APP: variants seen among roughly 807,000 people sequenced by gnomAD.
APP encodes the protein amyloid-beta precursor protein.
Under a neutral mutation model 101.4 loss-of-function variants are expected in APP, and 31 were observed. The ratio of observed to expected loss-of-function variants is 0.31; its 90% CI spans 0.23 to 0.41. APP has a LOEUF of 0.41. APP is among the 10% of genes least tolerant of loss of function. The pLI, the probability that APP is intolerant of heterozygous loss-of-function variation, is 1.00. For missense variants in APP, 839 were observed against 1,003.7 expected, an observed-to-expected ratio of 0.84 and a Z score of 2.22; for synonymous variants, 366 against 364.4, an observed-to-expected ratio of 1.00 and a Z score of -0.05.
intron 15 of APP, among the ~76,000 whole-genome samples, chr21:25,903,290 A>AC (rs1418056480): frequency 3.3e-4 from 45 of 135,160 alleles, no homozygotes; most frequent in African/African-American, 1.3e-3. Context: ...AATTGCTTGA[A>AC]CCCCCGAGGC....
At position 26,154,595 on chromosome 21, in the gene APP, T is replaced by G. The variant is rs182306998; in HGVS notation, c.57+15969A>C. 2.0e-4 allele frequency among the ~76,000 whole-genome samples: 31 copies of G among 152,342 alleles called. 1 individual carries two copies. Among genetic ancestry groups the G allele is most frequent in the Admixed American group, 1.8e-3 (28 of 15,296 alleles). On this transcript the variant is annotated intron_variant, in intron 1 of 17. Coordinates refer to ENST00000346798, the MANE Select transcript of APP (RefSeq NM_000484.4). ...TTGTCTTAAAGCTCCTGGCTTAATATTTAACTGATAGCAACAACCTAACGT... is the reference window on the plus strand; with the variant it reads ...TTGTCTTAAAGCTCCTGGCTTAATAGTTAACTGATAGCAACAACCTAACGT...
At chr21:26,170,014 G>A (rs59559781) in intron 1 of APP, among the ~76,000 whole-genome samples, 1 of 152,162 alleles carries the variant, frequency 6.6e-6, no homozygotes, top group Non-Finnish European at 1.5e-5. Context: ...AGCAAGGAAG[G>A]GGGATGGGGG....
chr21:25,896,199 C>T (rs1430921656), intron 16 of APP, among the ~76,000 whole-genome samples: 3 of 151,994 alleles, frequency 2.0e-5, no homozygotes, highest in South Asian at 2.1e-4. Context: ...CCAATGAAAA[C>T]CATGCTTCAA....
chr21:26,151,843 T>C (rs970072537), intron 1 of APP, among the ~76,000 whole-genome samples: 2 of 152,190 alleles, frequency 1.3e-5, no homozygotes, highest in African/African-American at 4.8e-5. Context: ...TACCAGTCCA[T>C]GGCCCAGGGG....
At chr21:25,993,767 G>A (rs1423310183) in intron 8 of APP, among the ~76,000 whole-genome samples, 3 of 152,194 alleles carry the variant, frequency 2.0e-5, no homozygotes, top group Non-Finnish European at 4.4e-5. Flanking sequence ...ACCAGAATGT[G>A]ACCCCCTGGG....
intron 2 of APP, among the ~76,000 whole-genome samples, chr21:26,103,821 C>A (rs1188795577): frequency 6.6e-6 from 1 of 152,194 alleles, no homozygotes; most frequent in Non-Finnish European, 1.5e-5. Context: ...TGGATAAAAT[C>A]CACTGTAAGG....
intron 1 of APP, among the ~76,000 whole-genome samples, chr21:26,146,100 T>C (rs2063149215): frequency 2.6e-5 from 4 of 152,234 alleles, no homozygotes; most frequent in Admixed American, 2.6e-4. Flanking sequence ...GGCTCATGCC[T>C]GCAGTGGGCA....
chr21:25,999,807 G>A (rs1364321334), intron 7 of APP, among the ~76,000 whole-genome samples: 2 of 152,182 alleles, frequency 1.3e-5, no homozygotes, highest in Non-Finnish European at 2.9e-5. Flanking sequence ...CACATCCATG[G>A]CCATGCTTTA....
chr21:25,937,161 CCT>C (rs1001506176), intron 13 of APP, among the ~76,000 whole-genome samples: 2 of 152,174 alleles, frequency 1.3e-5, no homozygotes, highest in Non-Finnish European at 1.5e-5. Flanking sequence ...ACAGCTTCCC[CCT>C]GTGTCTGGGA....
chr21:26,073,046 T>C (rs904333895), intron 3 of APP, among the ~76,000 whole-genome samples: 3 of 152,066 alleles, frequency 2.0e-5, no homozygotes, highest in South Asian at 4.2e-4. Flanking sequence ...CAGTAAATAG[T>C]ATGTATGAGG....
chr21:25,900,013 A>C (rs1443395440), intron 15 of APP, among the ~76,000 whole-genome samples: 1 of 152,106 alleles, frequency 6.6e-6, no homozygotes, highest in Non-Finnish European at 1.5e-5. Flanking sequence ...AGAGTTCTCT[A>C]TTCTTATTTA....
At chr21:26,148,780 C>G (rs977809830) in intron 1 of APP, among the ~76,000 whole-genome samples, 1 of 152,196 alleles carries the variant, frequency 6.6e-6, no homozygotes, top group African/African-American at 2.4e-5. Context: ...AGGGCCTACT[C>G]CTGGCCATGT....
chr21:26,063,182 T>C (rs1266124046), intron 3 of APP, among the ~76,000 whole-genome samples: 2 of 152,236 alleles, frequency 1.3e-5, no homozygotes, highest in African/African-American at 4.8e-5. Flanking sequence ...AGTGTCCATG[T>C]GGTAATACGT....
intron 11 of APP, among the ~76,000 whole-genome samples, chr21:25,974,751 G>A (rs1474877007): frequency 2.6e-5 from 4 of 152,000 alleles, no homozygotes; most frequent in Admixed American, 6.5e-5. Flanking sequence ...TTTTGTGTTC[G>A]AACTTGAACT....
At chr21:25,899,649 GC>G (rs2038310174) in intron 15 of APP, among the ~76,000 whole-genome samples, 1 of 152,184 alleles carries the variant, frequency 6.6e-6, no homozygotes, top group Non-Finnish European at 1.5e-5. Flanking sequence ...GATGACTTTA[GC>G]TCAGGCAGTG....
At chr21:26,044,226 C>A (rs1180905663) in intron 5 of APP, among the ~76,000 whole-genome samples, 1 of 152,204 alleles carries the variant, frequency 6.6e-6, no homozygotes. Flanking sequence ...CAGGAGTTTG[C>A]AGCTGTAATG....
At chr21:26,107,375 T>C (rs1246883422) in intron 2 of APP, among the ~76,000 whole-genome samples, 1 of 152,226 alleles carries the variant, frequency 6.6e-6, no homozygotes, top group Non-Finnish European at 1.5e-5. Flanking sequence ...CATCTTACAG[T>C]TCATCTCATT....
At chr21:26,062,237 A>T (rs1304154627) in intron 3 of APP, among the ~76,000 whole-genome samples, 1 of 148,244 alleles carries the variant, frequency 6.7e-6, no homozygotes, top group Non-Finnish European at 1.5e-5. Context: ...ACAAACACAC[A>T]CACACACACA....
intron 15 of APP, among the ~76,000 whole-genome samples, chr21:25,900,952 C>T (rs1380732763): frequency 5.4e-4 from 74 of 137,854 alleles, no homozygotes; most frequent in Non-Finnish European, 2.7e-4. Context: ...CGTGCCACTG[C>T]ACTCCAGCCT....
Sources: gnomAD v4.1 joint callset for allele counts (sites outside exome capture counted in the v4.1 genomes callset) on GRCh38, gnomAD v4.1.1 for gene constraint, MANE v1.5 for transcripts, NCBI Gene and HGNC (gene_info 2026-07-23, HGNC 2026-07-21) for gene names.